The following LRMDA variants were observed in gnomAD, a reference collection of about 807,000 sequenced individuals.
LRMDA encodes leucine rich melanocyte differentiation associated.
LRMDA carries 18 observed loss-of-function variants against 29.8 expected under a neutral mutation model. The observed-to-expected ratio is 0.60, with a 90% confidence interval of 0.42 to 0.90. LRMDA has a LOEUF of 0.90. LRMDA is among the 40% of genes least tolerant of loss of function. The probability of loss-of-function intolerance (pLI) is 0.00; values close to 1 mark genes in which losing one functional copy is unlikely to be tolerated. For missense variants in LRMDA, 273 were observed against 273.9 expected (o/e 1.00, Z 0.02); for synonymous variants, 125 against 109.4 (o/e 1.14, Z -0.89).
intron 6 of LRMDA, among the ~76,000 whole-genome samples, chr10:76,533,605 A>G (rs1843258833): frequency 6.6e-6 from 1 of 152,186 alleles, no homozygotes; most frequent in Admixed American, 6.5e-5. Flanking sequence ...ATTTTCAGTT[A>G]AAGGCACCTA....
intron 6 of LRMDA, among the ~76,000 whole-genome samples, chr10:76,535,295 T>C (rs892464882): frequency 6.6e-6 from 1 of 152,170 alleles, no homozygotes; most frequent in African/African-American, 2.4e-5. Flanking sequence ...GTGGAATATA[T>C]GCTCTTGAGG....
intron 2 of LRMDA, among the ~76,000 whole-genome samples, chr10:75,708,468 C>A (rs943920370): frequency 9.2e-5 from 14 of 152,122 alleles, no homozygotes; most frequent in Admixed American, 9.2e-4. Context: ...AATTGGCTGC[C>A]AGGTGATTTA....
intron 2 of LRMDA, among the ~76,000 whole-genome samples, chr10:75,578,570 C>A (rs557803544): frequency 6.6e-6 from 1 of 152,244 alleles, no homozygotes; most frequent in South Asian, 2.1e-4. Flanking sequence ...CTGCAGAACT[C>A]TCCACCCCAA....
intron 2 of LRMDA, among the ~76,000 whole-genome samples, chr10:75,638,523 C>A (rs182130772): frequency 6.6e-6 from 1 of 152,152 alleles, no homozygotes; most frequent in African/African-American, 2.4e-5. Context: ...TCCTTTCTTT[C>A]TTCTCTCGCT....
chr10:75,963,075 G>A lies in LRMDA; in HGVS notation c.132-72933G>A, dbSNP rs1352512326. Among the ~76,000 whole-genome samples, 4 of 152,278 alleles carry A rather than the reference G, an allele frequency of 2.6e-5. No homozygotes were observed. In the East Asian group the frequency reaches 7.7e-4, roughly 29 times the overall value. On this transcript the variant is annotated intron_variant, in intron 2 of 6. Coordinates refer to ENST00000611255, the MANE Select transcript of LRMDA (RefSeq NM_001305581.2). ...CTTATTTAGGTTAATGTCTTTTGCT[G>A]ATCTTCTTACAGCCATAAGTCCCTG...
At chr10:76,350,942 A>G (rs2132431856) in intron 6 of LRMDA, among the ~76,000 whole-genome samples, 1 of 152,268 alleles carries the variant, frequency 6.6e-6, no homozygotes, top group South Asian at 2.1e-4. Flanking sequence ...AATCCAAACC[A>G]CAACACAACC....
At chr10:75,782,760 T>G in intron 2 of LRMDA, 1 of 1,386,896 alleles carries the variant, frequency 7.2e-7, no homozygotes, top group Non-Finnish European at 9.3e-7. Context: ...CTTTGCTGAC[T>G]GTTGAAGAAA....
chr10:75,754,257 C>A (rs1429140772), intron 2 of LRMDA, among the ~76,000 whole-genome samples: 3 of 152,120 alleles, frequency 2.0e-5, no homozygotes, highest in African/African-American at 7.2e-5. Context: ...GTGGGCAGGG[C>A]AGATGGTGCT....
At position 75,563,536 on chromosome 10, in the gene LRMDA, A is replaced by T. The variant is rs1840328375; in HGVS notation, c.131+125042A>T. Among the ~76,000 whole-genome samples the T allele has an allele frequency of 2.6e-5, 4 of 152,146 alleles. No homozygotes were observed. The South Asian group carries it at 8.3e-4, about 31-fold the overall frequency. On this transcript the variant is annotated intron_variant, in intron 2 of 6. Transcript: ENST00000611255. The stretch of plus-strand genomic sequence containing the variant: ...AAGCCTTCTTCTCTCAACTCGTCAA[A>T]GTCATTCTCCGTCCAGCTTTGTTCC...
chr10:75,730,787 T>C (rs937605817), intron 2 of LRMDA, among the ~76,000 whole-genome samples: 17 of 151,798 alleles, frequency 1.1e-4, no homozygotes, highest in Non-Finnish European at 2.5e-4. Context: ...TCTTAAGCCT[T>C]GAACCTTCTT....
intron 5 of LRMDA, among the ~76,000 whole-genome samples, chr10:76,148,385 G>A (rs1037804608): frequency 2.0e-5 from 3 of 152,140 alleles, no homozygotes; most frequent in East Asian, 1.9e-4. Context: ...AACTAACTGG[G>A]CAATGGCGGG....
rs559099504 is a variant in LRMDA, at chr10:75,918,913, G to A, written c.132-117095G>A. Among the ~76,000 whole-genome samples, 52 of 152,226 alleles carry A rather than the reference G, an allele frequency of 3.4e-4. 1 individual carries two copies. Among genetic ancestry groups the A allele is most frequent in the Admixed American group, 1.6e-3 (25 of 15,286 alleles). ...TGTGAAGAAAAAAAAAGATGGAGCA[G>A]ACAGTTCCTCCCACAAATAGTTGGG... is the stretch of plus-strand genomic sequence containing the variant. On this transcript the variant is annotated intron_variant, in intron 2 of 6. Transcript: ENST00000611255.
At chr10:75,488,026 A>G (rs1368728720) in intron 2 of LRMDA, among the ~76,000 whole-genome samples, 3 of 152,182 alleles carry the variant, frequency 2.0e-5, no homozygotes, top group Non-Finnish European at 4.4e-5. Context: ...AGTTGGTTTG[A>G]TGCCACTCTG....
At chr10:75,791,321 T>C (rs1222497162) in intron 2 of LRMDA, among the ~76,000 whole-genome samples, 2 of 152,032 alleles carry the variant, frequency 1.3e-5, no homozygotes, top group African/African-American at 4.8e-5. Context: ...TAGAAACCAA[T>C]AAAAGAACTA....
intron 2 of LRMDA, among the ~76,000 whole-genome samples, chr10:75,912,238 C>T (rs778760827): frequency 1.4e-4 from 22 of 152,186 alleles, no homozygotes; most frequent in Non-Finnish European, 2.8e-4. Flanking sequence ...AAAATGCTTT[C>T]ACCTAAATCC....
intron 2 of LRMDA, among the ~76,000 whole-genome samples, chr10:76,016,773 G>C (rs1472098808): frequency 6.6e-6 from 1 of 152,156 alleles, no homozygotes; most frequent in Non-Finnish European, 1.5e-5. Flanking sequence ...CAGGTCTTAG[G>C]AAAAGAGAAT....
intron 6 of LRMDA, chr10:76,346,374 T>G (rs1214410426): frequency 6.6e-6 from 1 of 152,216 alleles, no homozygotes; most frequent in Non-Finnish European, 1.5e-5. Flanking sequence ...GCAAATTTGT[T>G]TCCCCAAGGC....
intron 2 of LRMDA, among the ~76,000 whole-genome samples, chr10:75,826,486 A>G (rs1844248592): frequency 6.6e-6 from 1 of 152,126 alleles, no homozygotes; most frequent in South Asian, 2.1e-4. Context: ...CCATGTTAAG[A>G]CACCTTACTC....
chr10:76,480,469 C>G (rs1842723492), intron 6 of LRMDA, among the ~76,000 whole-genome samples: 1 of 151,920 alleles, frequency 6.6e-6, no homozygotes, highest in Non-Finnish European at 1.5e-5. Flanking sequence ...CTGTGCCAAT[C>G]CATACATTTC....
Sources: allele counts gnomAD v4.1 joint callset (sites outside exome capture counted in the v4.1 genomes callset), GRCh38; gene constraint gnomAD v4.1.1; transcripts MANE v1.5; gene names NCBI Gene and HGNC (gene_info 2026-07-23, HGNC 2026-07-21).